The following ACVR2A variants were observed in gnomAD, a reference collection of about 807,000 sequenced individuals.
ACVR2A encodes activin A receptor type 2A.
ACVR2A carries 7 observed loss-of-function variants against 61.4 expected under a neutral mutation model. That is an observed-to-expected ratio of 0.11 (90% CI 0.06 to 0.21). The LOEUF is 0.21. ACVR2A is among the 10% of genes least tolerant of loss of function. ACVR2A has a pLI of 1.00. For synonymous variants in ACVR2A, 193 were observed against 208.3 expected (o/e 0.93, Z 0.63); for missense variants, 322 against 621.7 (o/e 0.52, Z 5.13).
chr2:147,860,035 T>C (rs1685690140), intron 1 of ACVR2A, among the ~76,000 whole-genome samples: 1 of 152,146 alleles, frequency 6.6e-6, no homozygotes, highest in Non-Finnish European at 1.5e-5. Context: ...GCATTGGCTT[T>C]AGTGATAGGA....
At chr2:147,868,920 AC>A (rs1685943241) in intron 1 of ACVR2A, among the ~76,000 whole-genome samples, 1 of 152,118 alleles carries the variant, frequency 6.6e-6, no homozygotes. Flanking sequence ...GACGTGAGCC[AC>A]CATGCCCAGC....
chr2:147,878,113 C>CT (rs2105166477), intron 1 of ACVR2A, among the ~76,000 whole-genome samples: 1 of 152,176 alleles, frequency 6.6e-6, no homozygotes, highest in South Asian at 2.1e-4. Context: ...TAGGACAGAA[C>CT]TGTCTTTTTG....
rs531086523 is a variant in ACVR2A, at chr2:147,891,564, A to G, written c.56-4737A>G. On this transcript the variant is annotated intron_variant, in intron 1 of 10. Coordinates refer to ENST00000241416, the MANE Select transcript of ACVR2A (RefSeq NM_001616.5). ...AGAATAGTATTTTGTGAGTTGTAAA[A>G]ACTACCAAAAAAATCCAAAAAAAGA... is the stretch of plus-strand genomic sequence containing the variant. 3.3e-5 allele frequency among the ~76,000 whole-genome samples: 5 copies of G among 152,228 alleles called. No individual in the cohort carries two copies. The East Asian group carries it at 9.6e-4, about 29-fold the overall frequency.
At chr2:147,875,494 T>TAA (rs201460352) in intron 1 of ACVR2A, among the ~76,000 whole-genome samples, 3 of 151,966 alleles carry the variant, frequency 2.0e-5, no homozygotes, top group Admixed American at 2.0e-4. Flanking sequence ...CCTGTGGAAA[T>TAA]AAAAAAACTG....
intron 1 of ACVR2A, among the ~76,000 whole-genome samples, chr2:147,890,149 G>T (rs989267362): frequency 6.6e-6 from 1 of 151,972 alleles, no homozygotes; most frequent in Admixed American, 6.6e-5. Context: ...ATTACCAGTG[G>T]GTCTTTGCAG....
At chr2:147,922,904 C>G (rs1573714406) in intron 8 of ACVR2A, 69 bp from the exon 9 acceptor site, 3 of 1,532,074 alleles carry the variant, frequency 2.0e-6, no homozygotes, top group East Asian at 2.3e-5. Context: ...TTTGATTCAT[C>G]TTACAAAATC....
At chr2:147,870,734 C>T (rs1018038898) in intron 1 of ACVR2A, among the ~76,000 whole-genome samples, 1 of 152,100 alleles carries the variant, frequency 6.6e-6, no homozygotes. Context: ...CCCCATTTTT[C>T]CTTCTTCCCT....
chr2:147,883,230 G>A (rs1386286872), intron 1 of ACVR2A, among the ~76,000 whole-genome samples: 1 of 152,110 alleles, frequency 6.6e-6, no homozygotes, highest in African/African-American at 2.4e-5. Flanking sequence ...TGCTCTTGTT[G>A]CCCAGGCTGG....
intron 2 of ACVR2A, among the ~76,000 whole-genome samples, chr2:147,898,730 A>G (rs1053912727): frequency 3.9e-5 from 6 of 152,066 alleles, no homozygotes; most frequent in Middle Eastern, 3.2e-3. Flanking sequence ...AGGTCTTTTC[A>G]TGACTTAAGG....
intron 1 of ACVR2A, among the ~76,000 whole-genome samples, chr2:147,885,379 A>G (rs1286289868): frequency 6.6e-6 from 1 of 152,180 alleles, no homozygotes; most frequent in East Asian, 1.9e-4. Flanking sequence ...AAAAGTCTGT[A>G]GAGGTTTCCT....
chr2:147,891,956 T>C (rs189307358), intron 1 of ACVR2A, among the ~76,000 whole-genome samples: 63 of 146,712 alleles, frequency 4.3e-4, no homozygotes, highest in African/African-American at 1.5e-3. Flanking sequence ...CAGCCCTTCT[T>C]TTTTTTGTTT....
chr2:147,923,246 G>A, intron 9 of ACVR2A, 135 bp downstream of exon 9: 1 of 960,016 alleles, frequency 1.0e-6, no homozygotes, highest in Non-Finnish European at 1.5e-6. Context: ...AGAGAATTCA[G>A]GAGGCAGGGG....
chr2:147,865,301 C>A (rs1369222955), intron 1 of ACVR2A, among the ~76,000 whole-genome samples: 2 of 152,224 alleles, frequency 1.3e-5, no homozygotes, highest in Admixed American at 1.3e-4. Context: ...GGCTCCACAT[C>A]CGTACCTTTT....
chr2:147,911,799 G>A (rs1339126738), intron 4 of ACVR2A, among the ~76,000 whole-genome samples: 4 of 151,910 alleles, frequency 2.6e-5, no homozygotes, highest in Non-Finnish European at 4.4e-5. Context: ...TTTAAGGTAG[G>A]ATGTAGAAAA....
In ACVR2A at chr2:147,899,842, T is replaced by C; in HGVS notation, c.472T>C (p.Phe158Leu). 2 of 1,613,824 alleles carry C rather than the reference T, an allele frequency of 1.2e-6. No individual in the cohort carries two copies. Among genetic ancestry groups the C allele is most frequent in the Non-Finnish European group, 8.5e-7 (1 of 1,179,738 alleles). The change falls in exon 4 of 11, where the codon TTT becomes CTT. Residue 158 changes from phenylalanine (F) to leucine (L), a missense_variant. Coordinates refer to ENST00000241416, the MANE Select transcript of ACVR2A (RefSeq NM_001616.5). ...AATTGCGGGGATTGTCATTTGTGCA[T>C]TTTGGGTGTACAGGCATCACAAGAT... is the stretch of plus-strand genomic sequence containing the variant. Reference protein sequence around the residue: ...MLIAGIVICAFWVYRHHKMAY... With the variant: ...MLIAGIVICALWVYRHHKMAY...
At chr2:147,881,069 C>G (rs1456631427) in intron 1 of ACVR2A, among the ~76,000 whole-genome samples, 2 of 151,990 alleles carry the variant, frequency 1.3e-5, no homozygotes, top group Admixed American at 1.3e-4. Flanking sequence ...TTTCCCCTAC[C>G]CCATTTTTAA....
intron 1 of ACVR2A, among the ~76,000 whole-genome samples, chr2:147,892,245 C>T (rs1180369641): frequency 6.6e-6 from 1 of 152,004 alleles, no homozygotes; most frequent in Non-Finnish European, 1.5e-5. Context: ...GCTGGCATTA[C>T]AGATGTGAGC....
intron 4 of ACVR2A, among the ~76,000 whole-genome samples, chr2:147,914,752 A>G (rs986516600): frequency 2.6e-5 from 4 of 151,990 alleles, no homozygotes; most frequent in Non-Finnish European, 4.4e-5. Context: ...CACTGGAGAA[A>G]GTAATAGATC....
At chr2:147,905,688 A>AT (rs1686972601) in intron 4 of ACVR2A, among the ~76,000 whole-genome samples, 1 of 152,014 alleles carries the variant, frequency 6.6e-6, no homozygotes, top group African/African-American at 2.4e-5. Context: ...CTTACTTTAA[A>AT]TATATACTTC....
Sources: gnomAD v4.1 joint callset for allele counts (sites outside exome capture counted in the v4.1 genomes callset) on GRCh38, gnomAD v4.1.1 for gene constraint, MANE v1.5 for transcripts, NCBI Gene and HGNC (gene_info 2026-07-23, HGNC 2026-07-21) for gene names.